Variants in BLTP1 observed in about 807,000 individuals in gnomAD.
BLTP1 encodes the protein fragile site-associated protein.
At chr4:122,260,940 T>G in the BLTP1 span, among the ~76,000 whole-genome samples, 1 of 152,146 alleles carries the variant, frequency 6.6e-6, no homozygotes. Flanking sequence ...AGTACACTGA[T>G]AAAGTATAGG....
the BLTP1 span, chr4:122,225,425 C>T: frequency 6.6e-6 from 1 of 152,178 alleles, no homozygotes; most frequent in Admixed American, 6.5e-5. Context: ...TATGAATGCT[C>T]ATCTTGATAT....
chr4:122,254,117 A>C, the BLTP1 span: 2 of 1,345,364 alleles, frequency 1.5e-6, no homozygotes, highest in Non-Finnish European at 2.1e-6. Flanking sequence ...AAGGTTTTGC[A>C]CTTAAAACAT....
At chr4:122,324,323 T>G in the BLTP1 span, 59 of 1,209,790 alleles carry the variant, frequency 4.9e-5, no homozygotes, top group Non-Finnish European at 6.2e-5. Flanking sequence ...TAAAGTCCCC[T>G]GGGGAAAACA....
At chr4:122,158,638 G>T in the BLTP1 span, among the ~76,000 whole-genome samples, 16 of 152,252 alleles carry the variant, frequency 1.1e-4, no homozygotes, top group East Asian at 2.5e-3. Flanking sequence ...GGGCGTGGTG[G>T]CGGGCACCTG....
the BLTP1 span, chr4:122,234,151 C>A: frequency 1.2e-5 from 3 of 258,238 alleles, no homozygotes; most frequent in Non-Finnish European, 1.8e-5. Flanking sequence ...ACTGACAGAT[C>A]TATGAGTCAC....
At chr4:122,235,718 T>C in the BLTP1 span, 1 of 152,136 alleles carries the variant, frequency 6.6e-6, no homozygotes, top group East Asian at 1.9e-4. Context: ...GGCAGGAGAA[T>C]GGTGTGAACG....
chr4:122,207,496 G>A, the BLTP1 span: 1 of 1,463,992 alleles, frequency 6.8e-7, no homozygotes, highest in South Asian at 1.3e-5. Context: ...GACATTAAAA[G>A]TAAATTTACT....
At chr4:122,269,986 AC>A in the BLTP1 span, among the ~76,000 whole-genome samples, 4 of 151,902 alleles carry the variant, frequency 2.6e-5, no homozygotes, top group Non-Finnish European at 4.4e-5. Context: ...TTTTCTTACT[AC>A]CCTTACATGT....
the BLTP1 span, chr4:122,170,502 G>T: frequency 7.6e-7 from 1 of 1,319,282 alleles, no homozygotes. Flanking sequence ...GAAGGAAACA[G>T]AAAGGTGATT....
At chr4:122,290,981 C>A in the BLTP1 span, 1 of 858,556 alleles carries the variant, frequency 1.2e-6, no homozygotes, top group Non-Finnish European at 1.4e-6. Flanking sequence ...TTGTGGAGTT[C>A]CTAGTATCAG....
chr4:122,205,185 C>G, the BLTP1 span, among the ~76,000 whole-genome samples: 1 of 151,718 alleles, frequency 6.6e-6, no homozygotes. Context: ...TAAATATCAC[C>G]TTTAAAATAC....
the BLTP1 span, chr4:122,305,856 G>A: frequency 6.5e-7 from 1 of 1,530,454 alleles, no homozygotes; most frequent in Non-Finnish European, 8.8e-7. Context: ...TTATTTTATT[G>A]AGCTTTAAAT....
the BLTP1 span, chr4:122,334,550 T>G: frequency 1.9e-6 from 3 of 1,611,864 alleles, no homozygotes; most frequent in African/African-American, 4.0e-5. Flanking sequence ...CTGCAGGTAT[T>G]TAAGGAGTAT....
the BLTP1 span, chr4:122,251,244 G>T: frequency 1.1e-6 from 1 of 876,832 alleles, no homozygotes; most frequent in East Asian, 1.2e-4. Flanking sequence ...GCTTAGCTCA[G>T]TATGTAGTAT....
chr4:122,327,521 A>G, the BLTP1 span, among the ~76,000 whole-genome samples: 1 of 151,756 alleles, frequency 6.6e-6, no homozygotes, highest in Non-Finnish European at 1.5e-5. Flanking sequence ...TTACCTTAAA[A>G]TACAGCATTC....
chr4:122,243,874 A>G, the BLTP1 span: 2 of 1,592,520 alleles, frequency 1.3e-6, no homozygotes, highest in South Asian at 1.2e-5. Context: ...ACTCCATTGG[A>G]AAAAAAACTC....
chr4:122,164,745 C>A, the BLTP1 span, among the ~76,000 whole-genome samples: 1 of 151,338 alleles, frequency 6.6e-6, no homozygotes, highest in African/African-American at 2.4e-5. Context: ...TAATCCATTA[C>A]TATCATTTAT....
At chr4:122,215,840 C>G in the BLTP1 span, among the ~76,000 whole-genome samples, 6 of 151,172 alleles carry the variant, frequency 4.0e-5, no homozygotes, top group African/African-American at 9.8e-5. Context: ...CCTCACCCCC[C>G]CCATCCTTCC....
At chr4:122,199,257 AG>A in the BLTP1 span, 5 of 1,481,252 alleles carry the variant, frequency 3.4e-6, no homozygotes, top group Non-Finnish European at 4.5e-6. Flanking sequence ...CCATTTTTCA[AG>A]GATTCCTTCT....
Sources: allele counts gnomAD v4.1 joint callset (sites outside exome capture counted in the v4.1 genomes callset), GRCh38; gene constraint gnomAD v4.1.1; transcripts MANE v1.5; gene names NCBI Gene and HGNC (gene_info 2026-07-23, HGNC 2026-07-21).